The following SMG5 variants were observed in gnomAD, a reference collection of about 807,000 sequenced individuals.
SMG5 encodes the protein nonsense-mediated mRNA decay factor SMG5.
Under a neutral mutation model 122.9 loss-of-function variants are expected in SMG5, and 53 were observed. The ratio of observed to expected loss-of-function variants is 0.43; its 90% CI spans 0.35 to 0.54. The LOEUF (loss-of-function observed/expected upper bound fraction) is 0.54, where lower values mean the gene tolerates loss of function less well. Ranked by LOEUF, SMG5 falls within the 20% of genes least tolerant of loss-of-function variation. The pLI is 0.01. For missense variants in SMG5, 1,153 were observed against 1,285.6 expected (o/e 0.90, Z 1.58); for synonymous variants, 477 against 490.2 (o/e 0.97, Z 0.35).
Position 156,263,569 on chromosome 1 carries a change from G to A in SMG5, c.1857C>T (p.Ala619=). 1 of 1,612,156 alleles carries A rather than the reference G, an allele frequency of 6.2e-7. No homozygotes were observed. Among genetic ancestry groups the A allele is most frequent in the Non-Finnish European group, 8.5e-7 (1 of 1,178,752 alleles). ...NGDVDKPSEP[A]SEEGSESEGS... ...CCTCCGACTCAGAGCCCTCCTCAGA[G>A]GCTGGGGGGTGGGTGAATGGAAGAG... The change falls in exon 13 of 22, where the codon GCC becomes GCT. Residue 619 remains alanine, a splice_region_variant and synonymous_variant. Transcript: ENST00000361813.
At chr1:156,252,287 G>C in intron 19 of SMG5, 127 bp downstream of exon 19, 1 of 767,300 alleles carries the variant, frequency 1.3e-6, no homozygotes, top group East Asian at 2.6e-5. Context: ...GCAGTGAGGT[G>C]AGCTAACTGT....
At chr1:156,289,185 G>A in the SMG5 span, among the ~76,000 whole-genome samples, 3 of 152,202 alleles carry the variant, frequency 2.0e-5, no homozygotes, top group African/African-American at 7.2e-5. Context: ...AAACAATCTA[G>A]TACTTGGTGC....
chr1:156,258,905 C>A, intron 16 of SMG5, 100 bp downstream of exon 16: 1 of 1,450,290 alleles, frequency 6.9e-7, no homozygotes, highest in Non-Finnish European at 9.3e-7. Flanking sequence ...CTTACTATGT[C>A]CTTCAGGTGG....
Position 156,273,416 on chromosome 1 carries a change from G to A in SMG5, c.579C>T (p.Thr193=), listed in dbSNP as rs373751250. Residue 193 remains threonine (T), a synonymous_variant, in exon 6 of 22, where the codon ACC becomes ACT. Coordinates refer to ENST00000361813, the MANE Select transcript of SMG5 (RefSeq NM_015327.3). ...AGTAAAATCTCTCGGCTAGCAGCTCGGTATCTACGCCAGCTAATTCATTCT... is the reference window on the plus strand; with the variant it reads ...AGTAAAATCTCTCGGCTAGCAGCTCAGTATCTACGCCAGCTAATTCATTCT... ...RYQNELAGVD[T]ELLAERFYYQ... The A allele has an allele frequency of 2.4e-5, 39 of 1,613,926 alleles. No individual in the cohort carries two copies. The highest frequency in any genetic ancestry group is 8.0e-5 in the African/African-American group (6 of 74,894).
chr1:156,277,393 TG>T, intron 3 of SMG5, 152 bp from the exon 4 acceptor site: 2 of 878,140 alleles, frequency 2.3e-6, no homozygotes, highest in South Asian at 3.9e-5. Flanking sequence ...TCTAACTCTC[TG>T]ATCTTTCCAT....
intron 16 of SMG5, among the ~76,000 whole-genome samples, chr1:156,254,478 A>C (rs1661487797): frequency 6.6e-6 from 1 of 152,050 alleles, no homozygotes; most frequent in South Asian, 2.1e-4. Flanking sequence ...GGGTCTCACT[A>C]TGTCACTCAG....
upstream of SMG5, chr1:156,286,147 C>G: frequency 7.3e-7 from 1 of 1,367,136 alleles, no homozygotes; most frequent in Admixed American, 1.9e-5. Context: ...ACCACCTCCA[C>G]CCCACTGTGT....
intron 7 of SMG5, among the ~76,000 whole-genome samples, chr1:156,269,378 G>A (rs1489772376): frequency 2.0e-5 from 3 of 152,122 alleles, no homozygotes; most frequent in Non-Finnish European, 2.9e-5. Flanking sequence ...AAAGTCCTGG[G>A]ATTACAAGTG....
At position 156,268,144 on chromosome 1, in the gene SMG5, A is replaced by AT; in HGVS notation, c.878dup (p.Tyr293Ter). ...DIKRLLVNFM[Y>*]LQSLLQPKSS... ...TTTTGGGCTGTAGGAGGCTTTGCAGATACATAAAGTTCACTAGCAACCTTT... is the reference window on the plus strand; with the variant it reads ...TTTTGGGCTGTAGGAGGCTTTGCAGATTACATAAAGTTCACTAGCAACCTTT... The change falls in exon 9 of 22, where the codon TAT becomes TAAT. Residue 293 changes from tyrosine to a stop codon, truncating the protein, a stop_gained and frameshift_variant. Transcript: ENST00000361813. LOFTEE classifies it high-confidence loss of function. 6.2e-7 allele frequency: 1 copy of AT among 1,614,182 alleles called. No homozygotes were observed.
At position 156,263,688 on chromosome 1, in the gene SMG5, T is replaced by C. The variant is rs4661036; in HGVS notation, c.1856-118A>G. On this transcript the variant is annotated intron_variant, in intron 12 of 21. Coordinates refer to ENST00000361813, the MANE Select transcript of SMG5 (RefSeq NM_015327.3). ...CCTGGCCTGGGCCCTTCCAAGGAAT[T>C]TGGATATGAAAAATCTGGGGAACCA... 0.22 allele frequency: 250,647 copies of C among 1,124,514 alleles called. 29,853 individuals carry two copies. Among genetic ancestry groups the C allele is most frequent in the Admixed American group, 0.35 (11,401 of 32,484 alleles). The allele number at this position is 1,124,514 out of a possible 1,614,324, so 69.7% of individuals were successfully genotyped here.
intron 17 of SMG5, 116 bp from the exon 18 acceptor site, chr1:156,253,194 G>T: frequency 8.4e-7 from 1 of 1,194,008 alleles, no homozygotes; most frequent in Non-Finnish European, 1.1e-6. Flanking sequence ...GGGGATCAGA[G>T]GACCCTCTCT....
chr1:156,286,399 C>T (rs145560744), upstream of SMG5: 132 of 1,614,176 alleles, frequency 8.2e-5, no homozygotes, highest in African/African-American at 8.0e-4. Flanking sequence ...TCAACCTGGC[C>T]GTGCTTTCCA....
At chr1:156,262,814 A>G (rs958951197) in intron 13 of SMG5, among the ~76,000 whole-genome samples, 2 of 151,878 alleles carry the variant, frequency 1.3e-5, no homozygotes, top group Admixed American at 6.6e-5. Context: ...ACAGCAGGGC[A>G]GGTATGCCCC....
chr1:156,253,612 C>T, intron 16 of SMG5, 104 bp from the exon 17 acceptor site: 1 of 998,300 alleles, frequency 1.0e-6, no homozygotes, highest in East Asian at 2.4e-5. Flanking sequence ...TGACCTCATG[C>T]AAAGTCACTC....
At chr1:156,285,010 T>C (rs1211887619), upstream of SMG5, among the ~76,000 whole-genome samples, 3 of 152,114 alleles carry the variant, frequency 2.0e-5, no homozygotes, top group African/African-American at 7.2e-5. Context: ...GCTGCTCACT[T>C]CCTTCCCTCC....
At chr1:156,272,511 G>GGT (rs1662482232) in intron 6 of SMG5, 113 bp from the exon 7 acceptor site, 1 of 779,820 alleles carries the variant, frequency 1.3e-6, no homozygotes, top group African/African-American at 1.7e-5. Flanking sequence ...TGGGTCTGCA[G>GGT]GCAACACTGG....
intron 16 of SMG5, among the ~76,000 whole-genome samples, chr1:156,257,111 G>C (rs1036090578): frequency 1.3e-5 from 2 of 151,966 alleles, no homozygotes; most frequent in Admixed American, 1.3e-4. Flanking sequence ...ATTTTTAGTA[G>C]AGACGAGGTT....
chr1:156,254,442 TTA>T (rs1661486446), intron 16 of SMG5, among the ~76,000 whole-genome samples: 1 of 152,120 alleles, frequency 6.6e-6, no homozygotes, highest in Non-Finnish European at 1.5e-5. Context: ...ACTCTTTTTA[TTA>T]TGTTTTTCTT....
At chr1:156,251,820 G>A (rs1419216880) in intron 19 of SMG5, among the ~76,000 whole-genome samples, 2 of 152,182 alleles carry the variant, frequency 1.3e-5, no homozygotes, top group Non-Finnish European at 2.9e-5. Flanking sequence ...GGAGGGGGTG[G>A]GCCAGCTAGC....
Sources: allele counts gnomAD v4.1 joint callset (sites outside exome capture counted in the v4.1 genomes callset), GRCh38; gene constraint gnomAD v4.1.1; transcripts MANE v1.5; gene names NCBI Gene and HGNC (gene_info 2026-07-23, HGNC 2026-07-21).